The following ATL2 variants were observed in gnomAD, a reference collection of about 807,000 sequenced individuals.
The protein encoded by ATL2 is atlastin GTPase 2.
Under a neutral mutation model 73.9 loss-of-function variants are expected in ATL2, and 31 were observed. That is an observed-to-expected ratio of 0.42 (90% confidence interval 0.32 to 0.57). ATL2 has a LOEUF of 0.57. ATL2 is among the 20% of genes least tolerant of loss of function. The pLI is 0.14. For synonymous variants in ATL2, 291 were observed against 237.5 expected, an observed-to-expected ratio of 1.23 and a Z score of -2.07; for missense variants, 738 against 702.6, an observed-to-expected ratio of 1.05 and a Z score of -0.57.
chr2:38,314,930 C>T (rs1465907800), intron 5 of ATL2, among the ~76,000 whole-genome samples: 1 of 152,206 alleles, frequency 6.6e-6, no homozygotes, highest in Non-Finnish European at 1.5e-5. Flanking sequence ...AATTAAATTT[C>T]AATAGTTGGC....
At chr2:38,309,541 A>C in intron 8 of ATL2, 35 bp from the exon 9 acceptor site, 1 of 1,555,656 alleles carries the variant, frequency 6.4e-7, no homozygotes, top group Non-Finnish European at 8.7e-7. Context: ...ATATTAGTCC[A>C]AAAAAAATTA....
intron 7 of ATL2, 71 bp from the exon 8 acceptor site, chr2:38,310,518 G>T (rs1667699394): frequency 7.4e-7 from 1 of 1,348,398 alleles, no homozygotes; most frequent in South Asian, 1.4e-5. Flanking sequence ...AATGCACACA[G>T]ACTCGCATGC....
chr2:38,356,509 A>G (rs1389439383), intron 1 of ATL2, among the ~76,000 whole-genome samples: 1 of 152,114 alleles, frequency 6.6e-6, no homozygotes, highest in Non-Finnish European at 1.5e-5. Context: ...TACTTTACAT[A>G]CAGTCTTCTA....
intron 9 of ATL2, among the ~76,000 whole-genome samples, chr2:38,303,914 C>T (rs1190451083): frequency 6.6e-6 from 1 of 152,072 alleles, no homozygotes. Flanking sequence ...GGGGAACTGC[C>T]TGACCCTGGA....
chr2:38,339,772 C>T (rs1445486188), intron 2 of ATL2, among the ~76,000 whole-genome samples: 1 of 152,122 alleles, frequency 6.6e-6, no homozygotes, highest in Non-Finnish European at 1.5e-5. Flanking sequence ...CTCACTGCAA[C>T]CTCCACCTCC....
At chr2:38,349,003 C>T (rs1670185365) in intron 1 of ATL2, among the ~76,000 whole-genome samples, 1 of 151,928 alleles carries the variant, frequency 6.6e-6, no homozygotes, top group Middle Eastern at 3.4e-3. Context: ...GAATGGCGAT[C>T]ATTAAAAAGT....
upstream of ATL2, chr2:38,377,369 CCTGTATCTCCTCGCCCTCCG>C: frequency 4.9e-6 from 4 of 823,908 alleles, no homozygotes; most frequent in Non-Finnish European, 7.2e-6. Context: ...CCGCTCTCCG[CCTGTATCTCCTCGCCCTCCG>C]CCTGTATCTC....
At chr2:38,329,698 C>T (rs1212479131) in intron 2 of ATL2, among the ~76,000 whole-genome samples, 1 of 152,018 alleles carries the variant, frequency 6.6e-6, no homozygotes, top group African/African-American at 2.4e-5. Context: ...AAATCCTTGA[C>T]AAAATATTAG....
intron 7 of ATL2, 24 bp downstream of exon 7, chr2:38,313,127 C>G (rs1242228661): frequency 6.4e-7 from 1 of 1,551,918 alleles, no homozygotes; most frequent in Admixed American, 1.7e-5. Context: ...CTTATGTTCT[C>G]CTCTTTAAGC....
rs1471832542 is a variant in ATL2 at position 38,335,071 on chromosome 2, A to T, written c.363+8197T>A. On this transcript the variant is annotated intron_variant, in intron 2 of 12. Transcript: ENST00000378954. Reference sequence around the variant, plus strand: ...AAATCAACAAAATACACATCAGAATAGCTAACATTAAAAAGATTGACAATA... The same window carrying T: ...AAATCAACAAAATACACATCAGAATTGCTAACATTAAAAAGATTGACAATA... 4.0e-5 allele frequency among the ~76,000 whole-genome samples: 6 copies of T among 151,260 alleles called. No individual in the cohort carries two copies. The South Asian group carries it at 1.0e-3, about 26-fold the overall frequency.
At chr2:38,305,587 C>T (rs537518557) in intron 9 of ATL2, among the ~76,000 whole-genome samples, 1 of 152,116 alleles carries the variant, frequency 6.6e-6, no homozygotes, top group East Asian at 1.9e-4. Flanking sequence ...TATCAAGTAT[C>T]TTCTCTGACC....
Position 38,318,572 on chromosome 2 carries a change from G to A in ATL2, c.566C>T (p.Thr189Met), listed in dbSNP as rs1419312061. 1 of 1,612,558 alleles carries A rather than the reference G, an allele frequency of 6.2e-7. No individual in the cohort carries two copies. Among genetic ancestry groups the A allele is most frequent in the Non-Finnish European group, 8.5e-7 (1 of 1,179,618 alleles). ...AGTCATAGTGCTCAGAGCAAACACCGTTGCACAGTCTTTGATAGTTGACTG... is the reference window on the plus strand; with the variant it reads ...AGTCATAGTGCTCAGAGCAAACACCATTGCACAGTCTTTGATAGTTGACTG... ...DSQSTIKDCATVFALSTMTSS... is the reference protein window; with the variant it reads ...DSQSTIKDCAMVFALSTMTSS... Residue 189 changes from threonine to methionine, a missense_variant, in exon 4 of 13, where the codon ACG becomes ATG. Thr to Met is a moderately conservative substitution (Grantham distance 81). Coordinates refer to ENST00000378954, the MANE Select transcript of ATL2 (RefSeq NM_001135673.4).
chr2:38,364,810 T>C (rs1471291664), intron 1 of ATL2, among the ~76,000 whole-genome samples: 5 of 152,008 alleles, frequency 3.3e-5, no homozygotes, highest in African/African-American at 9.7e-5. Context: ...TTTGGGAGGC[T>C]GAGGCGGGTG....
At chr2:38,324,213 G>A (rs1668478302) in intron 2 of ATL2, among the ~76,000 whole-genome samples, 1 of 152,184 alleles carries the variant, frequency 6.6e-6, no homozygotes. Flanking sequence ...GGGAGGCGGA[G>A]GATGCGATGA....
rs1668976516 is a variant in ATL2, at chr2:38,331,302, G to GA, written c.363+11965_363+11966insT. Among the ~76,000 whole-genome samples the GA allele has an allele frequency of 2.0e-5, 3 of 152,030 alleles. No homozygotes were observed. In the East Asian group the frequency reaches 5.8e-4, roughly 29 times the overall value. On this transcript the variant is annotated intron_variant, in intron 2 of 12. Transcript: ENST00000378954. ...AATACAAAAAGTAGCTGGGCATGGTGGCGCACACCTGTAGTCCCAGTTACT... is the reference window on the plus strand; with the variant it reads ...AATACAAAAAGTAGCTGGGCATGGTGAGCGCACACCTGTAGTCCCAGTTACT...
At chr2:38,361,119 C>T (rs1253871016) in intron 1 of ATL2, among the ~76,000 whole-genome samples, 1 of 151,724 alleles carries the variant, frequency 6.6e-6, no homozygotes, top group African/African-American at 2.4e-5. Context: ...TTTGGGAGGC[C>T]GAGGCAGGTG....
chr2:38,301,753 G>A (rs764425241), intron 9 of ATL2, among the ~76,000 whole-genome samples: 9 of 152,180 alleles, frequency 5.9e-5, no homozygotes, highest in Non-Finnish European at 1.3e-4. Context: ...GGCCATCTAG[G>A]CCACAAGGAC....
At chr2:38,314,142 G>GT (rs1667901300) in intron 6 of ATL2, among the ~76,000 whole-genome samples, 1 of 152,114 alleles carries the variant, frequency 6.6e-6, no homozygotes, top group East Asian at 1.9e-4. Flanking sequence ...TCACCAAACA[G>GT]TATTAATGGC....
chr2:38,348,688 A>C (rs1407325780), intron 1 of ATL2, among the ~76,000 whole-genome samples: 1 of 151,822 alleles, frequency 6.6e-6, no homozygotes, highest in Non-Finnish European at 1.5e-5. Flanking sequence ...TAATTAAACT[A>C]AAGAGCTTCT....
Sources: allele counts gnomAD v4.1 joint callset (sites outside exome capture counted in the v4.1 genomes callset), GRCh38; gene constraint gnomAD v4.1.1; transcripts MANE v1.5; gene names NCBI Gene and HGNC (gene_info 2026-07-23, HGNC 2026-07-21).